PSEN1: variants seen among roughly 807,000 people sequenced by gnomAD.
PSEN1 encodes presenilin 1, also known as presenilin-1.
A neutral mutation model predicts 53.5 loss-of-function variants in PSEN1; 15 were observed. The ratio of observed to expected loss-of-function variants is 0.28; its 90% confidence interval spans 0.19 to 0.43. PSEN1 has a LOEUF of 0.43. PSEN1 is among the 20% of genes least tolerant of loss of function. PSEN1 has a pLI of 1.00. For synonymous variants in PSEN1, 208 were observed against 209.8 expected (o/e 0.99, Z 0.08); for missense variants, 387 against 571.2 (o/e 0.68, Z 3.29).
chr14:73,213,078 A>G (rs1371577577), intron 10 of PSEN1, among the ~76,000 whole-genome samples: 2 of 152,210 alleles, frequency 1.3e-5, no homozygotes, highest in East Asian at 3.8e-4. Context: ...GGGCATGTTC[A>G]TGACTTTACT....
chr14:73,217,311 T>C lies in PSEN1; in HGVS notation c.1248+67T>C. On this transcript the variant is annotated intron_variant, in intron 11 of 11. Coordinates refer to ENST00000324501, the MANE Select transcript of PSEN1 (RefSeq NM_000021.4). ...CAAAACTTTGATTACACAGTCCCTT[T>C]AAGGCAGTTCTGTTTTAACCCCAGG... 5 of 1,585,010 alleles carry C rather than the reference T, an allele frequency of 3.2e-6. No individual in the cohort carries two copies. In the South Asian group the frequency reaches 5.5e-5, roughly 18 times the overall value.
intron 3 of PSEN1, chr14:73,159,970 A>T (rs1202079798): frequency 1.6e-5 from 3 of 183,314 alleles, no homozygotes; most frequent in Non-Finnish European, 2.5e-5. Flanking sequence ...CTACAGGTGC[A>T]CTCTATCATG....
intron 10 of PSEN1, 133 bp downstream of exon 10, chr14:73,212,075 A>C: frequency 4.2e-6 from 1 of 236,844 alleles, no homozygotes; most frequent in Non-Finnish European, 8.0e-6. Context: ...ATTTGGATAT[A>C]TCAGTAATAG....
At chr14:73,163,639 A>G (rs1897622908) in intron 3 of PSEN1, among the ~76,000 whole-genome samples, 3 of 152,210 alleles carry the variant, frequency 2.0e-5, no homozygotes, top group African/African-American at 7.2e-5. Flanking sequence ...ACGTAGAGAA[A>G]GGCTTCCTTA....
At chr14:73,211,460 C>G (rs1899676132) in intron 9 of PSEN1, among the ~76,000 whole-genome samples, 1 of 152,160 alleles carries the variant, frequency 6.6e-6, no homozygotes, top group South Asian at 2.1e-4. Context: ...GTTACAACCC[C>G]ACAACCTTAG....
chr14:73,183,957 C>T (rs1425165281), intron 5 of PSEN1, among the ~76,000 whole-genome samples: 5 of 133,078 alleles, frequency 3.8e-5, no homozygotes, highest in Non-Finnish European at 6.4e-5. Context: ...CCGGACGGGG[C>T]GGCTGGCCGG....
intron 11 of PSEN1, among the ~76,000 whole-genome samples, chr14:73,218,680 TGCCCCCGCACAGCATAGAGAA>T (rs1390296225): frequency 4.7e-5 from 7 of 147,848 alleles, no homozygotes; most frequent in South Asian, 4.3e-4. Flanking sequence ...GCATAGAGAA[TGCCCCCGCACAGCATAGAGAA>T]GCCCCCGCAC....
intron 6 of PSEN1, chr14:73,189,868 C>A: frequency 1.3e-5 from 3 of 227,768 alleles, no homozygotes; most frequent in East Asian, 3.0e-4. Context: ...AGCCCTTGAC[C>A]TTTACCATGT....
At chr14:73,188,869 A>G (rs1036443978) in intron 6 of PSEN1, among the ~76,000 whole-genome samples, 1 of 150,918 alleles carries the variant, frequency 6.6e-6, no homozygotes, top group African/African-American at 2.4e-5. Flanking sequence ...GCTCACAGGA[A>G]CTTCTGCCTC....
chr14:73,188,077 C>G (rs1898580324), intron 6 of PSEN1, among the ~76,000 whole-genome samples: 1 of 152,058 alleles, frequency 6.6e-6, no homozygotes, highest in African/African-American at 2.4e-5. Flanking sequence ...TACAGGTGCG[C>G]ACCACCATGC....
chr14:73,149,497 C>G (rs1897160619), intron 3 of PSEN1, among the ~76,000 whole-genome samples: 1 of 152,110 alleles, frequency 6.6e-6, no homozygotes, highest in Non-Finnish European at 1.5e-5. Flanking sequence ...CGTGGAACTT[C>G]CTTTTACACT....
chr14:73,189,469 G>A (rs189747954), intron 6 of PSEN1, among the ~76,000 whole-genome samples: 34 of 152,134 alleles, frequency 2.2e-4, no homozygotes, highest in Admixed American at 1.6e-3. Context: ...AAAATTAGCC[G>A]GGCGTGGTGG....
intron 3 of PSEN1, among the ~76,000 whole-genome samples, chr14:73,166,372 C>T (rs1897718764): frequency 6.6e-6 from 1 of 152,164 alleles, no homozygotes; most frequent in South Asian, 2.1e-4. Context: ...AGTTTGATTC[C>T]TACCTCTGCT....
chr14:73,197,941 T>G (rs1208577384), intron 7 of PSEN1, 90 bp from the exon 8 acceptor site: 1 of 735,028 alleles, frequency 1.4e-6, no homozygotes, highest in African/African-American at 1.8e-5. Flanking sequence ...AACATTAAAC[T>G]TTTTTCCTTC....
At chr14:73,202,637 T>A (rs889771907) in intron 8 of PSEN1, among the ~76,000 whole-genome samples, 1 of 150,246 alleles carries the variant, frequency 6.7e-6, no homozygotes, top group Non-Finnish European at 1.5e-5. Flanking sequence ...CATGCCTGGC[T>A]AATTTTTTGT....
Position 73,217,080 on chromosome 14 carries a change from G to A in PSEN1, c.1130-46G>A. The stretch of plus-strand genomic sequence containing the variant: ...GATATTTTTGAATTGTGAAATCATA[G>A]CAAAGAGTGACCAACTTTTTAATAT... On this transcript the variant is annotated intron_variant, in intron 10 of 11. Coordinates refer to ENST00000324501, the MANE Select transcript of PSEN1 (RefSeq NM_000021.4). 3 of 1,605,096 alleles carry A rather than the reference G, an allele frequency of 1.9e-6. No homozygotes were observed. The South Asian group carries it at 3.3e-5, about 18-fold the overall frequency.
At chr14:73,138,726 C>T (rs182878308) in intron 1 of PSEN1, among the ~76,000 whole-genome samples, 2 of 149,506 alleles carry the variant, frequency 1.3e-5, no homozygotes, top group African/African-American at 2.4e-5. Flanking sequence ...TTTGGGAGGC[C>T]GTGGCGGGCG....
intron 7 of PSEN1, among the ~76,000 whole-genome samples, chr14:73,196,433 ATAT>A (rs947892101): frequency 6.8e-6 from 1 of 146,792 alleles, no homozygotes; most frequent in Non-Finnish European, 1.5e-5. Flanking sequence ...TTGTACATAT[ATAT>A]TATTATATGA....
At chr14:73,140,124 C>T (rs1594954275) in intron 1 of PSEN1, among the ~76,000 whole-genome samples, 1 of 147,242 alleles carries the variant, frequency 6.8e-6, no homozygotes, top group Non-Finnish European at 1.5e-5. Context: ...TATAATTATA[C>T]AAAGGTATAT....
Sources: gnomAD v4.1 joint callset for allele counts (sites outside exome capture counted in the v4.1 genomes callset) on GRCh38, gnomAD v4.1.1 for gene constraint, MANE v1.5 for transcripts, NCBI Gene and HGNC (gene_info 2026-07-23, HGNC 2026-07-21) for gene names.